Variants in GPR176 observed in about 807,000 individuals in gnomAD.
GPR176 encodes G-protein coupled receptor 176.
In GPR176, 26 loss-of-function variants were observed where a neutral mutation model predicts 35.4. The ratio of observed to expected loss-of-function variants is 0.74; its 90% confidence interval spans 0.54 to 1.02. GPR176 has a LOEUF of 1.02. Among genes scored for constraint, GPR176 ranks in the 50% least tolerant of loss-of-function variants. The probability of loss-of-function intolerance (pLI) is 0.00; values close to 1 mark genes in which losing one functional copy is unlikely to be tolerated. For missense variants in GPR176, 597 were observed against 665.3 expected (o/e 0.90, Z 1.13); for synonymous variants, 278 against 271.3 (o/e 1.02, Z -0.24).
chr15:39,831,994 GCACACACACACACACA>G (rs59388406), intron 1 of GPR176, among the ~76,000 whole-genome samples: 3 of 146,916 alleles, frequency 2.0e-5, no homozygotes, highest in Admixed American at 1.4e-4. Flanking sequence ...ACATGTGCAT[GCACACACACACACACA>G]CACACACACA....
intron 1 of GPR176, among the ~76,000 whole-genome samples, chr15:39,810,231 T>G (rs1164788461): frequency 2.6e-5 from 4 of 151,870 alleles, no homozygotes; most frequent in Non-Finnish European, 1.5e-5. Context: ...CTGCACATCC[T>G]GCACATGTGG....
chr15:39,909,939 A>G, intron 1 of GPR176: 1 of 945,162 alleles, frequency 1.1e-6, no homozygotes, highest in Non-Finnish European at 1.3e-6. Flanking sequence ...CCATTTTCAC[A>G]AGGAAACATT....
chr15:39,836,428 C>T (rs1455229362), intron 1 of GPR176, among the ~76,000 whole-genome samples: 2 of 152,152 alleles, frequency 1.3e-5, no homozygotes, highest in Admixed American at 1.3e-4. Context: ...CATGCCTGCT[C>T]CTTCTTTGTC....
intron 1 of GPR176, among the ~76,000 whole-genome samples, chr15:39,817,772 C>A (rs1439424576): frequency 6.6e-6 from 1 of 152,112 alleles, no homozygotes; most frequent in Non-Finnish European, 1.5e-5. Flanking sequence ...TCAAATGATA[C>A]CTGGAGAGTT....
At chr15:39,817,529 C>T (rs1166529581) in intron 1 of GPR176, among the ~76,000 whole-genome samples, 2 of 152,118 alleles carry the variant, frequency 1.3e-5, no homozygotes, top group African/African-American at 2.4e-5. Context: ...CATACAACAC[C>T]CTTTAAGATA....
At chr15:39,847,742 CAA>C (rs34896644) in intron 1 of GPR176, among the ~76,000 whole-genome samples, 122 of 68,826 alleles carry the variant, frequency 1.8e-3, no homozygotes, top group Non-Finnish European at 2.6e-3. Context: ...GACTCTGTCT[CAA>C]AAAAAAAAAA....
intron 1 of GPR176, among the ~76,000 whole-genome samples, chr15:39,812,239 T>TG (rs1276236452): frequency 6.6e-6 from 1 of 152,176 alleles, no homozygotes; most frequent in African/African-American, 2.4e-5. Flanking sequence ...GTGAGGGTGT[T>TG]GCCAACAGAG....
At chr15:39,915,538 C>T (rs1395505010) in intron 1 of GPR176, among the ~76,000 whole-genome samples, 1 of 152,066 alleles carries the variant, frequency 6.6e-6, no homozygotes, top group Non-Finnish European at 1.5e-5. Context: ...ATACATTTTG[C>T]GGTCTAGCCA....
At chr15:39,859,159 A>G (rs1206473485) in intron 1 of GPR176, among the ~76,000 whole-genome samples, 1 of 152,218 alleles carries the variant, frequency 6.6e-6, no homozygotes, top group Admixed American at 6.5e-5. Context: ...AGATTATAAA[A>G]TGAGTATATT....
At chr15:39,825,450 T>C (rs1900572278) in intron 1 of GPR176, among the ~76,000 whole-genome samples, 1 of 152,140 alleles carries the variant, frequency 6.6e-6, no homozygotes, top group East Asian at 1.9e-4. Context: ...TTTCATCATA[T>C]ATAAACATTT....
chr15:39,854,497 G>T (rs901538981), intron 1 of GPR176, among the ~76,000 whole-genome samples: 1 of 152,070 alleles, frequency 6.6e-6, no homozygotes, highest in Non-Finnish European at 1.5e-5. Flanking sequence ...GAATCTCAGG[G>T]TCTGTAGCCA....
intron 1 of GPR176, among the ~76,000 whole-genome samples, chr15:39,842,121 C>G (rs1811422729): frequency 6.6e-6 from 1 of 152,056 alleles, no homozygotes; most frequent in African/African-American, 2.4e-5. Context: ...ACATTGCTAT[C>G]AAGAACTACC....
rs761044862 is a variant in GPR176 at position 39,801,912 on chromosome 15, A to G, written c.768T>C (p.Tyr256=). The G allele has an allele frequency of 2.5e-6, 4 of 1,613,686 alleles. No individual in the cohort carries two copies. In the African/African-American group the frequency reaches 4.0e-5, roughly 16 times the overall value. ...RTPQNTISIP[Y]ASQREAELHA... Reference sequence around the variant, plus strand: ...GCAGCTCGGCCTCCCGCTGGGAGGCATAGGGAATAGAGATGGTGTTCTGTG... The same window carrying G: ...GCAGCTCGGCCTCCCGCTGGGAGGCGTAGGGAATAGAGATGGTGTTCTGTG... Residue 256 remains tyrosine (Y), a synonymous_variant, in exon 3 of 3, where the codon TAT becomes TAC. Coordinates refer to ENST00000561100, the MANE Select transcript of GPR176 (RefSeq NM_007223.3).
intron 1 of GPR176, among the ~76,000 whole-genome samples, chr15:39,918,386 C>T (rs890957448): frequency 6.6e-6 from 1 of 152,152 alleles, no homozygotes; most frequent in Non-Finnish European, 1.5e-5. Flanking sequence ...CCAACACCAC[C>T]TTTCTTCAGA....
At chr15:39,844,588 A>C (rs775746195) in intron 1 of GPR176, among the ~76,000 whole-genome samples, 4 of 151,480 alleles carry the variant, frequency 2.6e-5, no homozygotes, top group Non-Finnish European at 5.9e-5. Context: ...CCCACCGCCT[A>C]CTGAAAAAAA....
chr15:39,801,854 T>C lies in GPR176; in HGVS notation c.826A>G (p.Ile276Val), dbSNP rs1898892764. The C allele has an allele frequency of 2.5e-6, 4 of 1,614,042 alleles. No homozygotes were observed. Among genetic ancestry groups the C allele is most frequent in the Non-Finnish European group, 3.4e-6 (4 of 1,179,992 alleles). Residue 276 changes from isoleucine (I) to valine (V), a missense_variant, in exon 3 of 3, where the codon ATC (isoleucine) becomes GTC (valine). Ile to Val is a conservative substitution (Grantham distance 29, BLOSUM62 3). Around this residue, in one of 3 missense-constraint regions of GPR176, gnomAD observed 220 missense variants for 297.6 expected, o/e 0.74. Coordinates refer to ENST00000561100, the MANE Select transcript of GPR176 (RefSeq NM_007223.3). ...GTGGCATAGGGCACGCTACACAAGA[T>C]GAAGACCATCACCATGGAGAGCAGG... ...ATLLSMVMVF[I>V]LCSVPYATLV...
rs190610082 is a variant in GPR176, at chr15:39,891,737, G to A, written c.172+28118C>T. Among the ~76,000 whole-genome samples the A allele has an allele frequency of 1.5e-4, 23 of 152,284 alleles. 1 individual carries two copies. Among genetic ancestry groups the A allele is most frequent in the Admixed American group, 1.4e-3 (22 of 15,304 alleles). ...ACCTGTACTACCAGCTACTTGGGAG[G>A]CTGAGGTTGGAGGACCACTTAAGCC... On this transcript the variant is annotated intron_variant, in intron 1 of 2. Transcript: ENST00000561100.
chr15:39,806,925 A>T lies in GPR176; in HGVS notation c.425+81T>A, dbSNP rs538000297. ...CTAAAAAGCAGTATACGGAACATTG[A>T]CTACTCATCATTTGCTTCATGATGC... On this transcript the variant is annotated intron_variant, in intron 2 of 2. Transcript: ENST00000561100. The T allele has an allele frequency of 1.5e-5, 19 of 1,264,200 alleles. No homozygotes were observed. In the South Asian group the frequency reaches 2.0e-4, roughly 13 times the overall value. The allele number at this position is 1,264,200 out of a possible 1,614,324, so 78.3% of individuals were successfully genotyped here.
intron 1 of GPR176, among the ~76,000 whole-genome samples, chr15:39,845,242 A>G (rs2030335120): frequency 1.3e-5 from 2 of 152,134 alleles, no homozygotes; most frequent in African/African-American, 4.8e-5. Context: ...ACAGAGATCA[A>G]TTCACATGAA....
Sources: allele counts gnomAD v4.1 joint callset (sites outside exome capture counted in the v4.1 genomes callset), GRCh38; gene constraint gnomAD v4.1.1; regional missense constraint gnomAD v4.1.1; transcripts MANE v1.5; gene names NCBI Gene and HGNC (gene_info 2026-07-23, HGNC 2026-07-21).